USP53: variants seen among roughly 807,000 people sequenced by gnomAD.
The protein encoded by USP53 is ubiquitin specific peptidase 53.
A neutral mutation model predicts 94.9 loss-of-function variants in USP53; 71 were observed. That is an observed-to-expected ratio of 0.75 (90% CI 0.62 to 0.91). The LOEUF is 0.91. USP53 is among the 40% of genes least tolerant of loss of function. The probability of loss-of-function intolerance (pLI) is 0.00; values close to 1 mark genes in which losing one functional copy is unlikely to be tolerated. For missense variants in USP53, 1,173 were observed against 1,281.0 expected, an observed-to-expected ratio of 0.92 and a Z score of 1.29; for synonymous variants, 375 against 422.7, an observed-to-expected ratio of 0.89 and a Z score of 1.39.
At chr4:119,249,292 G>C (rs1008780717) in intron 7 of USP53, among the ~76,000 whole-genome samples, 1 of 152,074 alleles carries the variant, frequency 6.6e-6, no homozygotes, top group Non-Finnish European at 1.5e-5. Context: ...GGATTTTGGT[G>C]GGTAACAGGG....
chr4:119,258,920 G>A (rs1003302022), intron 9 of USP53, among the ~76,000 whole-genome samples: 1 of 152,148 alleles, frequency 6.6e-6, no homozygotes, highest in Non-Finnish European at 1.5e-5. Flanking sequence ...CTTTTAAGGA[G>A]GTTGAATAAA....
intron 17 of USP53, among the ~76,000 whole-genome samples, chr4:119,289,357 A>G (rs1250887770): frequency 2.0e-5 from 3 of 152,200 alleles, no homozygotes; most frequent in Non-Finnish European, 4.4e-5. Flanking sequence ...TTTACCCATT[A>G]TTGTTTTTGC....
rs1444052771 is a variant in USP53, at chr4:119,239,763, G to T, written c.4G>T (p.Ala2Ser). ...ATGCAAACAAAGTTGCTTGAAAATGGCATGGGTAAAATTCTTACGGAAACC... is the reference window on the plus strand; with the variant it reads ...ATGCAAACAAAGTTGCTTGAAAATGTCATGGGTAAAATTCTTACGGAAACC... Reference protein sequence around the residue: MAWVKFLRKPGG... With the variant: MSWVKFLRKPGG... Residue 2 changes from alanine to serine, a missense_variant, in exon 5 of 19, where the codon GCA (alanine) becomes TCA (serine). Coordinates refer to ENST00000692078, the MANE Select transcript of USP53 (RefSeq NM_001371395.1). 1 of 1,606,816 alleles carries T rather than the reference G, an allele frequency of 6.2e-7. No homozygotes were observed. Among genetic ancestry groups the T allele is most frequent in the Middle Eastern group, 1.7e-4 (1 of 6,016 alleles).
At chr4:119,278,263 G>A (rs1474130013) in intron 17 of USP53, among the ~76,000 whole-genome samples, 18 of 150,910 alleles carry the variant, frequency 1.2e-4, no homozygotes, top group African/African-American at 2.9e-4. Context: ...CATGTTTAGC[G>A]CTTCCTTCAG....
chr4:119,238,265 C>T (rs1459196883), intron 4 of USP53, among the ~76,000 whole-genome samples: 4 of 152,080 alleles, frequency 2.6e-5, no homozygotes, highest in African/African-American at 4.8e-5. Flanking sequence ...GAGAGACATG[C>T]GACTCCTTTT....
chr4:119,248,955 CA>C, intron 7 of USP53, 73 bp downstream of exon 7: 2 of 1,543,302 alleles, frequency 1.3e-6, no homozygotes, highest in South Asian at 1.2e-5. Flanking sequence ...AGTGTTGAGA[CA>C]AATGAAACAA....
rs1372125914 is a variant in USP53, at chr4:119,294,260, AATCT to A, written c.*1055_*1058del. ...TCAACCCATTTTATCTGAATTTGAA[AATCT>A]ATCTAGGTTTCCAGATTAAATTTCT... On this transcript the variant is annotated 3_prime_UTR_variant, in exon 19 of 19. Coordinates refer to ENST00000692078, the MANE Select transcript of USP53 (RefSeq NM_001371395.1). 7 of 152,052 alleles carry A rather than the reference AATCT, an allele frequency of 4.6e-5. No homozygotes were observed. The highest frequency in any genetic ancestry group is 9.7e-5 in the African/African-American group (4 of 41,432). The allele number at this position is 152,052 out of a possible 1,614,324, so 9.4% of individuals were successfully genotyped here. A position where few individuals can be genotyped will look rare whatever the true frequency, so the allele number is the denominator to read the frequency against.
chr4:119,227,139 A>C (rs1301511448), intron 3 of USP53, among the ~76,000 whole-genome samples: 1 of 152,098 alleles, frequency 6.6e-6, no homozygotes, highest in East Asian at 1.9e-4. Context: ...GCTATAATCA[A>C]TTAATTTTTG....
In USP53 at chr4:119,248,736, G is replaced by T; in HGVS notation, c.238-12G>T. Reference sequence around the variant, plus strand: ...TGGCATTAAACTTACTGATTTTCTTGTCGATTCCCAGACGATATTTGCACA... The same window carrying T: ...TGGCATTAAACTTACTGATTTTCTTTTCGATTCCCAGACGATATTTGCACA... On this transcript the variant is annotated splice_polypyrimidine_tract_variant and intron_variant, in intron 6 of 18. Coordinates refer to ENST00000692078, the MANE Select transcript of USP53 (RefSeq NM_001371395.1). 16 of 1,606,518 alleles carry T rather than the reference G, an allele frequency of 1.0e-5. No homozygotes were observed. Among genetic ancestry groups the T allele is most frequent in the Non-Finnish European group, 1.4e-5 (16 of 1,176,704 alleles).
intron 3 of USP53, among the ~76,000 whole-genome samples, chr4:119,233,535 C>T (rs144391434): frequency 6.6e-6 from 1 of 151,876 alleles, no homozygotes; most frequent in Admixed American, 6.6e-5. Context: ...ATATTTTCTA[C>T]TTCCTTATTC....
chr4:119,281,309 C>T (rs1225861586), intron 17 of USP53, among the ~76,000 whole-genome samples: 1 of 152,080 alleles, frequency 6.6e-6, no homozygotes, highest in Non-Finnish European at 1.5e-5. Flanking sequence ...TTTTATAATT[C>T]AGAGGAGTAG....
chr4:119,285,167 C>T (rs981597567), intron 17 of USP53, among the ~76,000 whole-genome samples: 1 of 151,644 alleles, frequency 6.6e-6, no homozygotes, highest in Non-Finnish European at 1.5e-5. Flanking sequence ...AAGGTAAAGA[C>T]AGAATTTGAA....
At chr4:119,234,951 A>G (rs1227964644) in intron 3 of USP53, among the ~76,000 whole-genome samples, 3 of 152,224 alleles carry the variant, frequency 2.0e-5, no homozygotes, top group African/African-American at 7.2e-5. Context: ...ACTCGTGGAT[A>G]TGGACGGCTG....
chr4:119,279,917 C>G (rs1330656038), intron 17 of USP53, among the ~76,000 whole-genome samples: 1 of 152,258 alleles, frequency 6.6e-6, no homozygotes, highest in Non-Finnish European at 1.5e-5. Context: ...TCCCTGACCC[C>G]TCGTGCTTCC....
At chr4:119,213,802 G>A (rs1363966937) in intron 1 of USP53, among the ~76,000 whole-genome samples, 1 of 151,412 alleles carries the variant, frequency 6.6e-6, no homozygotes, top group African/African-American at 2.4e-5. Context: ...TGCTTGAACC[G>A]GAGGTTGCAG....
chr4:119,249,745 A>G (rs552183451), intron 7 of USP53, among the ~76,000 whole-genome samples: 2 of 146,120 alleles, frequency 1.4e-5, no homozygotes, highest in African/African-American at 5.1e-5. Flanking sequence ...GCTCACTGCA[A>G]GCTCCACCTC....
rs1322136543 is a variant in USP53, at chr4:119,212,837, A to T, written c.-978A>T. 8.5e-6 allele frequency: 2 copies of T among 234,266 alleles called. No individual in the cohort carries two copies. The highest frequency in any genetic ancestry group is 2.2e-5 in the African/African-American group (1 of 44,660). 14.5% of individuals were successfully genotyped at this position (234,266 alleles called of 1,614,324 possible). ...GGAAGGCCTGTATTTCTCTACCTGG[A>T]CCGCACGCTCCTCGCGCAAGGAGGG... On this transcript the variant is annotated 5_prime_UTR_variant, in exon 1 of 19. Coordinates refer to ENST00000692078, the MANE Select transcript of USP53 (RefSeq NM_001371395.1).
chr4:119,237,397 C>T (rs759776390), intron 4 of USP53, among the ~76,000 whole-genome samples: 1 of 152,100 alleles, frequency 6.6e-6, no homozygotes, highest in Non-Finnish European at 1.5e-5. Context: ...CCCCCTCGCC[C>T]GTCACGCAAT....
chr4:119,293,275 G>T lies in USP53; in HGVS notation c.*64G>T. On this transcript the variant is annotated 3_prime_UTR_variant, in exon 19 of 19. Transcript: ENST00000692078. ...GGTTCAAGCTGCCCTTCTGAACAAA[G>T]ATATAAACCTAGCATACATTGTAAT... 1 of 1,498,958 alleles carries T rather than the reference G, an allele frequency of 6.7e-7. No homozygotes were observed. Among genetic ancestry groups the T allele is most frequent in the Non-Finnish European group, 8.8e-7 (1 of 1,130,872 alleles). 92.9% of individuals were successfully genotyped at this position (1,498,958 alleles called of 1,614,324 possible). A position where few individuals can be genotyped will look rare whatever the true frequency, so the allele number is the denominator to read the frequency against.
Sources: gnomAD v4.1 joint callset for allele counts (sites outside exome capture counted in the v4.1 genomes callset) on GRCh38, gnomAD v4.1.1 for gene constraint, MANE v1.5 for transcripts, NCBI Gene and HGNC (gene_info 2026-07-23, HGNC 2026-07-21) for gene names.